PACRG: variants seen among roughly 807,000 people sequenced by gnomAD.
PACRG encodes the protein parkin coregulated gene protein.
PACRG carries 29 observed loss-of-function variants against 29.7 expected under a neutral mutation model. That is an observed-to-expected ratio of 0.98 (90% CI 0.73 to 1.33). The LOEUF (loss-of-function observed/expected upper bound fraction) is 1.33, where lower values mean the gene tolerates loss of function less well. PACRG is among the 40% of genes most tolerant of loss of function. The probability of loss-of-function intolerance (pLI) is 0.00; values close to 1 mark genes in which losing one functional copy is unlikely to be tolerated. For synonymous variants in PACRG, 116 were observed against 118.7 expected, an observed-to-expected ratio of 0.98 and a Z score of 0.15; for missense variants, 279 against 316.2, an observed-to-expected ratio of 0.88 and a Z score of 0.89.
chr6:163,077,017 C>T (rs565585592), intron 3 of PACRG, among the ~76,000 whole-genome samples: 7 of 152,310 alleles, frequency 4.6e-5, no homozygotes, highest in African/African-American at 1.7e-4. Flanking sequence ...TACATAACTG[C>T]TGTCTGTACT....
chr6:162,760,574 T>G (rs1782271063), intron 1 of PACRG, among the ~76,000 whole-genome samples: 1 of 152,010 alleles, frequency 6.6e-6, no homozygotes, highest in South Asian at 2.1e-4. Context: ...GCAAAGCCGA[T>G]GGGGGTGTGT....
chr6:162,877,291 T>C (rs1793443238), intron 2 of PACRG, among the ~76,000 whole-genome samples: 2 of 152,080 alleles, frequency 1.3e-5, no homozygotes, highest in Non-Finnish European at 2.9e-5. Context: ...TGCAGGGACA[T>C]GGATGAAGCC....
chr6:162,968,630 G>A (rs921951315), intron 2 of PACRG, among the ~76,000 whole-genome samples: 1 of 152,212 alleles, frequency 6.6e-6, no homozygotes, highest in African/African-American at 2.4e-5. Flanking sequence ...GCCTAGTAAT[G>A]AAGGAACCAT....
chr6:163,268,917 G>A (rs1195489159), intron 4 of PACRG, among the ~76,000 whole-genome samples: 1 of 152,140 alleles, frequency 6.6e-6, no homozygotes, highest in African/African-American at 2.4e-5. Context: ...TTCTTCCTAA[G>A]TTTGTGATTA....
chr6:163,245,062 A>T lies in PACRG; in HGVS notation c.614-69765A>T, dbSNP rs1438411848. The T allele has an allele frequency of 2.0e-5, 9 of 455,360 alleles. No individual in the cohort carries two copies. The East Asian group carries it at 4.2e-4, about 21-fold the overall frequency. The allele number at this position is 455,360 out of a possible 1,614,324, so 28.2% of individuals were successfully genotyped here. On this transcript the variant is annotated intron_variant, in intron 4 of 4. Coordinates refer to ENST00000366888, the MANE Select transcript of PACRG (RefSeq NM_001080379.2). ...ATGTAAAAGTCTAATCTTCATTTTA[A>T]GTCAGTTTATGCTTCCCAGACTAAA...
At chr6:163,104,537 C>T (rs1317918137) in intron 4 of PACRG, among the ~76,000 whole-genome samples, 4 of 152,134 alleles carry the variant, frequency 2.6e-5, no homozygotes, top group Non-Finnish European at 4.4e-5. Context: ...GCTTCAACTT[C>T]AAGTTGAAAA....
At chr6:163,170,992 CAGTT>C (rs779649543) in intron 4 of PACRG, 1 of 152,150 alleles carries the variant, frequency 6.6e-6, no homozygotes, top group Non-Finnish European at 1.5e-5. Flanking sequence ...AACTCTCAAA[CAGTT>C]AGACTTGCTT....
intron 4 of PACRG, among the ~76,000 whole-genome samples, chr6:163,119,338 T>C (rs1816160367): frequency 6.6e-6 from 1 of 152,328 alleles, no homozygotes; most frequent in African/African-American, 2.4e-5. Flanking sequence ...ACTTACCTCA[T>C]GGGTTTGTTT....
chr6:163,149,416 T>C (rs912642956), intron 4 of PACRG, among the ~76,000 whole-genome samples: 1 of 152,188 alleles, frequency 6.6e-6, no homozygotes, highest in African/African-American at 2.4e-5. Context: ...GCCACGTCTA[T>C]GTGCGGCCTC....
intron 4 of PACRG, among the ~76,000 whole-genome samples, chr6:163,213,427 A>G: frequency 6.6e-6 from 1 of 152,218 alleles, no homozygotes; most frequent in Admixed American, 6.5e-5. Context: ...TATTGGGACA[A>G]CTGGCAATAT....
At chr6:162,739,395 A>G (rs971069655) in intron 1 of PACRG, among the ~76,000 whole-genome samples, 6 of 152,142 alleles carry the variant, frequency 3.9e-5, no homozygotes, top group Non-Finnish European at 5.9e-5. Flanking sequence ...TACTCTAGAT[A>G]TGGATATGTT....
intron 2 of PACRG, among the ~76,000 whole-genome samples, chr6:162,997,153 C>G (rs1386308069): frequency 6.6e-6 from 1 of 152,098 alleles, no homozygotes; most frequent in African/African-American, 2.4e-5. Flanking sequence ...GTACAGTAAT[C>G]CATTTTCTTA....
chr6:162,757,783 G>T (rs1782044383), intron 1 of PACRG, among the ~76,000 whole-genome samples: 1 of 151,944 alleles, frequency 6.6e-6, no homozygotes, highest in Non-Finnish European at 1.5e-5. Flanking sequence ...AGATACATTG[G>T]CTTGACTAAT....
intron 2 of PACRG, among the ~76,000 whole-genome samples, chr6:162,908,857 C>T (rs1796109237): frequency 6.6e-6 from 1 of 152,086 alleles, no homozygotes. Flanking sequence ...ACCATTAGTA[C>T]AGCACAGGGA....
At chr6:162,892,851 C>T (rs888645078) in intron 2 of PACRG, among the ~76,000 whole-genome samples, 12 of 151,522 alleles carry the variant, frequency 7.9e-5, no homozygotes, top group African/African-American at 2.9e-4. Flanking sequence ...TAATTTTATT[C>T]CAGTGGAGGG....
intron 4 of PACRG, among the ~76,000 whole-genome samples, chr6:163,147,938 C>G (rs1179405404): frequency 6.6e-6 from 1 of 152,198 alleles, no homozygotes; most frequent in Non-Finnish European, 1.5e-5. Context: ...GCATTTTATG[C>G]CCCTTTCAAT....
intron 1 of PACRG, among the ~76,000 whole-genome samples, chr6:162,796,436 G>A (rs1371547665): frequency 6.6e-6 from 1 of 151,994 alleles, no homozygotes; most frequent in African/African-American, 2.4e-5. Context: ...CTTTGTTCAT[G>A]TGTATTTGAA....
intron 2 of PACRG, chr6:162,957,153 C>G (rs1181252580): frequency 1.4e-5 from 3 of 217,580 alleles, no homozygotes. Context: ...TGAATTTGGG[C>G]TTAGCCTCCC....
Position 163,269,785 on chromosome 6 carries a change from A to ACAGACAGACAGACAGGAAGG in PACRG, c.614-45042_614-45041insCAGACAGACAGACAGGAAGG, listed in dbSNP as rs1562349142. Among the ~76,000 whole-genome samples, 14 of 93,906 alleles carry ACAGACAGACAGACAGGAAGG rather than the reference A, an allele frequency of 1.5e-4. 2 individuals carry two copies. The East Asian group carries it at 2.6e-3, about 17-fold the overall frequency. The allele number at this position is 93,906 out of a possible 152,430, so 61.6% of individuals were successfully genotyped here. A position where few individuals can be genotyped will look rare whatever the true frequency, so the allele number is the denominator to read the frequency against. On this transcript the variant is annotated intron_variant, in intron 4 of 4. Transcript: ENST00000366888. ...GAGAGACAGACAGACAGACAGACAG[A>ACAGACAGACAGACAGGAAGG]AAGAAAGAAAGGAAGGAAGGAAGGA...
Sources: gnomAD v4.1 joint callset for allele counts (sites outside exome capture counted in the v4.1 genomes callset) on GRCh38, gnomAD v4.1.1 for gene constraint, MANE v1.5 for transcripts, NCBI Gene and HGNC (gene_info 2026-07-23, HGNC 2026-07-21) for gene names.